ADGB: variants seen among roughly 807,000 people sequenced by gnomAD.
ADGB encodes calpain-7-like protein.
In ADGB, 172 loss-of-function variants were observed where a neutral mutation model predicts 210.5. The ratio of observed to expected loss-of-function variants is 0.82; its 90% confidence interval spans 0.72 to 0.93. ADGB has a LOEUF of 0.93. Among genes scored for constraint, ADGB ranks in the 40% least tolerant of loss-of-function variants. The pLI is 0.00. For synonymous variants in ADGB, 658 were observed against 662.7 expected, an observed-to-expected ratio of 0.99 and a Z score of 0.11; for missense variants, 2,025 against 1,964.8, an observed-to-expected ratio of 1.03 and a Z score of -0.58.
chr6:146,623,492 ATTC>A (rs1342421391), intron 1 of ADGB, among the ~76,000 whole-genome samples: 1 of 151,790 alleles, frequency 6.6e-6, no homozygotes, highest in Admixed American at 6.6e-5. Context: ...TTAATTTTGA[ATTC>A]TTCTTGTCAG....
intron 9 of ADGB, among the ~76,000 whole-genome samples, chr6:146,684,236 A>T (rs1419749373): frequency 6.6e-6 from 1 of 152,086 alleles, no homozygotes; most frequent in African/African-American, 2.4e-5. Context: ...ATTTAATCTT[A>T]TCTTCTTCCT....
intron 35 of ADGB, among the ~76,000 whole-genome samples, chr6:146,809,725 G>A (rs7772943): frequency 9.1e-4 from 139 of 152,114 alleles, no homozygotes; most frequent in African/African-American, 3.1e-3. Flanking sequence ...AAAGAAAATC[G>A]TTTCAAAAAT....
chr6:146,722,661 C>G (rs1776838602), intron 17 of ADGB, among the ~76,000 whole-genome samples: 1 of 152,184 alleles, frequency 6.6e-6, no homozygotes, highest in South Asian at 2.1e-4. Flanking sequence ...AACATTCTCT[C>G]TCTCTTCAAA....
intron 1 of ADGB, chr6:146,600,365 C>T (rs2114819170): frequency 1.1e-5 from 3 of 267,920 alleles, no homozygotes; most frequent in South Asian, 7.2e-5. Flanking sequence ...CAGAATCAGG[C>T]CTGTATTACT....
At chr6:146,643,951 T>C (rs773374834) in intron 2 of ADGB, among the ~76,000 whole-genome samples, 7 of 151,894 alleles carry the variant, frequency 4.6e-5, no homozygotes, top group Non-Finnish European at 8.8e-5. Flanking sequence ...ATTTCATCTA[T>C]GTAACATTAC....
intron 13 of ADGB, among the ~76,000 whole-genome samples, chr6:146,705,153 T>A (rs1330906173): frequency 6.6e-6 from 1 of 152,150 alleles, no homozygotes; most frequent in Non-Finnish European, 1.5e-5. Context: ...CCTGAAACTT[T>A]ATTGAGTTTA....
Position 146,635,517 on chromosome 6 carries a change from A to G in ADGB, c.217A>G (p.Thr73Ala), listed in dbSNP as rs1775405385. ...AGKGAKEKDK[T>A]GKSPVFHFFE... ...CAAAGGTGCAAAAGAAAAGGACAAA[A>G]CAGGAAAAAGCCCTGTATTTGTAAG... The change falls in exon 2 of 36, where the codon ACA (threonine) becomes GCA (alanine). Residue 73 changes from threonine to alanine, a missense_variant. Transcript: ENST00000397944. 6.5e-7 allele frequency: 1 copy of G among 1,542,904 alleles called. No individual in the cohort carries two copies. Among genetic ancestry groups the G allele is most frequent in the Non-Finnish European group, 8.7e-7 (1 of 1,142,970 alleles).
chr6:146,709,000 C>T (rs1009253404), intron 13 of ADGB, among the ~76,000 whole-genome samples: 9 of 152,084 alleles, frequency 5.9e-5, no homozygotes, highest in African/African-American at 2.2e-4. Context: ...TGTTGACCTT[C>T]TCTTGCATTT....
chr6:146,729,333 T>C (rs1421634354), intron 20 of ADGB, among the ~76,000 whole-genome samples: 2 of 152,240 alleles, frequency 1.3e-5, no homozygotes, highest in African/African-American at 4.8e-5. Flanking sequence ...CTTCTTCAAT[T>C]TTATTTGGAA....
chr6:146,715,259 AT>A, intron 13 of ADGB, 122 bp from the exon 14 acceptor site: 1 of 881,454 alleles, frequency 1.1e-6, no homozygotes, highest in Non-Finnish European at 1.7e-6. Context: ...GTTTTAGTAA[AT>A]TTTCCCAAAA....
intron 28 of ADGB, 104 bp downstream of exon 28, chr6:146,764,204 C>A: frequency 3.2e-6 from 3 of 930,416 alleles, no homozygotes; most frequent in Non-Finnish European, 4.7e-6. Flanking sequence ...GCAGTGCTGC[C>A]AATGTATAGC....
chr6:146,599,228 C>T (rs1357741712), intron 1 of ADGB, 114 bp downstream of exon 1: 2 of 912,590 alleles, frequency 2.2e-6, no homozygotes. Context: ...TTAGTGGCCT[C>T]CTCGCAGCTT....
At position 146,691,485 on chromosome 6, in the gene ADGB, T is replaced by A. The variant is rs1380744096; in HGVS notation, c.1486+195T>A. ...AAATATATATATATATAAATATATA[T>A]ATATATATATATATATTTTTTTTTT... On this transcript the variant is annotated intron_variant, in intron 11 of 35. Transcript: ENST00000397944. 6.7e-4 allele frequency among the ~76,000 whole-genome samples: 10 copies of A among 14,858 alleles called. 1 individual carries two copies. The highest frequency in any genetic ancestry group is 9.1e-4 in the Non-Finnish European group (8 of 8,748). The allele number at this position is 14,858 out of a possible 152,430, so 9.7% of individuals were successfully genotyped here.
At chr6:146,634,819 C>T (rs796874384) in intron 1 of ADGB, among the ~76,000 whole-genome samples, 5 of 149,032 alleles carry the variant, frequency 3.4e-5, no homozygotes, top group African/African-American at 1.3e-4. Flanking sequence ...AATCGACCAC[C>T]CCCCCAAATT....
chr6:146,803,263 G>C lies in ADGB; in HGVS notation c.4818+1252G>C, dbSNP rs564189819. ...ACTTGGACCATTGTTTCATGGTCCT[G>C]AGAAACCTCAGAAAAAAACCCACTA... is the stretch of plus-strand genomic sequence containing the variant. On this transcript the variant is annotated intron_variant, in intron 35 of 35. Transcript: ENST00000397944. 1.9e-6 allele frequency: 3 copies of C among 1,596,132 alleles called. No individual in the cohort carries two copies. The South Asian group carries it at 3.3e-5, about 18-fold the overall frequency.
At chr6:146,739,320 C>G (rs1479005555) in intron 23 of ADGB, among the ~76,000 whole-genome samples, 6 of 152,102 alleles carry the variant, frequency 3.9e-5, no homozygotes, top group Non-Finnish European at 1.5e-5. Flanking sequence ...CATTGATCAT[C>G]CAAACTAGGA....
At chr6:146,686,190 T>C (rs1458534655) in intron 10 of ADGB, among the ~76,000 whole-genome samples, 1 of 152,064 alleles carries the variant, frequency 6.6e-6, no homozygotes, top group Non-Finnish European at 1.5e-5. Context: ...TTCCCATAAA[T>C]AGGCCACATG....
At chr6:146,784,367 A>G (rs1198798290) in intron 30 of ADGB, among the ~76,000 whole-genome samples, 1 of 152,166 alleles carries the variant, frequency 6.6e-6, no homozygotes, top group Non-Finnish European at 1.5e-5. Flanking sequence ...TTTAATATTA[A>G]GCAGAGCCCA....
chr6:146,751,006 C>T (rs1451430030), intron 26 of ADGB, among the ~76,000 whole-genome samples: 1 of 151,980 alleles, frequency 6.6e-6, no homozygotes, highest in Non-Finnish European at 1.5e-5. Context: ...TGTACCTGTG[C>T]AAGATGTGCA....
Sources: allele counts gnomAD v4.1 joint callset (sites outside exome capture counted in the v4.1 genomes callset), GRCh38; gene constraint gnomAD v4.1.1; transcripts MANE v1.5; gene names NCBI Gene and HGNC (gene_info 2026-07-23, HGNC 2026-07-21).